Variants in CLIP4 observed in about 807,000 individuals in gnomAD.
CLIP4 encodes the protein CAP-Gly domain-containing linker protein 4.
CLIP4 carries 47 observed loss-of-function variants against 73.1 expected under a neutral mutation model. The observed-to-expected ratio is 0.64, with a 90% CI of 0.51 to 0.82. The LOEUF (loss-of-function observed/expected upper bound fraction) is 0.82, where lower values mean the gene tolerates loss of function less well. Ranked by LOEUF, CLIP4 falls within the 40% of genes least tolerant of loss-of-function variation. The pLI, the probability that CLIP4 is intolerant of heterozygous loss-of-function variation, is 0.00. For synonymous variants in CLIP4, 306 were observed against 295.4 expected (o/e 1.04, Z -0.37); for missense variants, 874 against 852.9 (o/e 1.02, Z -0.31).
intron 8 of CLIP4, among the ~76,000 whole-genome samples, chr2:29,150,966 T>G (rs1416806127): frequency 6.6e-6 from 1 of 152,206 alleles, no homozygotes; most frequent in Admixed American, 6.5e-5. Context: ...ATCTTTATTG[T>G]CTTATAATGT....
At chr2:29,112,061 G>A (rs1668398177), upstream of CLIP4, among the ~76,000 whole-genome samples, 2 of 152,096 alleles carry the variant, frequency 1.3e-5, no homozygotes. Flanking sequence ...CCACCTTTGT[G>A]TAAATGGAGG....
intron 15 of CLIP4, among the ~76,000 whole-genome samples, chr2:29,180,373 G>A (rs893575470): frequency 6.6e-6 from 1 of 152,150 alleles, no homozygotes; most frequent in Non-Finnish European, 1.5e-5. Context: ...GTGCACTGGG[G>A]AGTCCCATGC....
chr2:29,135,163 C>G (rs1052139187), intron 5 of CLIP4, among the ~76,000 whole-genome samples: 14 of 152,196 alleles, frequency 9.2e-5, no homozygotes, highest in African/African-American at 3.4e-4. Flanking sequence ...TCATAGGTTG[C>G]TGACCCCTGA....
chr2:29,143,063 G>A (rs1665883641), intron 6 of CLIP4, among the ~76,000 whole-genome samples: 1 of 152,242 alleles, frequency 6.6e-6, no homozygotes, highest in African/African-American at 2.4e-5. Flanking sequence ...TGAAATCTGA[G>A]TTACCCCATG....
intron 13 of CLIP4, among the ~76,000 whole-genome samples, chr2:29,165,262 C>CTT (rs70958247): frequency 0.011 from 1,614 of 148,936 alleles, 6 homozygotes; most frequent in African/African-American, 0.015. Flanking sequence ...TTCTTTCTTT[C>CTT]TTTTTTTTTT....
chr2:29,176,846 C>G (rs559265988), intron 15 of CLIP4, among the ~76,000 whole-genome samples: 5 of 152,312 alleles, frequency 3.3e-5, no homozygotes, highest in African/African-American at 1.2e-4. Flanking sequence ...ATGGTTTGGT[C>G]AGCCCAAATT....
chr2:29,128,928 A>G (rs560029639), intron 2 of CLIP4, among the ~76,000 whole-genome samples: 2 of 152,328 alleles, frequency 1.3e-5, no homozygotes, highest in East Asian at 3.9e-4. Context: ...AGCACAGGAC[A>G]TGTTTACTAA....
intron 2 of CLIP4, among the ~76,000 whole-genome samples, chr2:29,124,522 A>T (rs1664467267): frequency 6.6e-6 from 1 of 152,112 alleles, no homozygotes; most frequent in Non-Finnish European, 1.5e-5. Flanking sequence ...GAAATCATTT[A>T]AAAAAATTTT....
chr2:29,152,793 T>C lies in CLIP4; in HGVS notation c.1130T>C (p.Ile377Thr). Residue 377 changes from isoleucine (I) to threonine (T), a missense_variant, in exon 9 of 16, where the codon ATT (isoleucine) becomes ACT (threonine). Coordinates refer to ENST00000320081, the MANE Select transcript of CLIP4 (RefSeq NM_024692.6). Reference protein sequence around the residue: ...AAVPLIRSQKIDVAHVTSKVN... With the variant: ...AAVPLIRSQKTDVAHVTSKVN... ...GTACCTCTCATCAGGTCCCAGAAAA[T>C]TGACGTAGCTCATGTGACGTCAAAA... 4 of 1,613,744 alleles carry C rather than the reference T, an allele frequency of 2.5e-6. No individual in the cohort carries two copies. The highest frequency in any genetic ancestry group is 3.4e-6 in the Non-Finnish European group (4 of 1,179,796).
At chr2:29,120,747 G>A (rs1664196542) in intron 1 of CLIP4, among the ~76,000 whole-genome samples, 1 of 152,090 alleles carries the variant, frequency 6.6e-6, no homozygotes, top group African/African-American at 2.4e-5. Flanking sequence ...AAGCACTCAT[G>A]TTTTCTGGGA....
chr2:29,139,651 A>G (rs865881012), intron 6 of CLIP4, among the ~76,000 whole-genome samples: 1 of 152,078 alleles, frequency 6.6e-6, no homozygotes, highest in African/African-American at 2.4e-5. Flanking sequence ...TACTGATTCA[A>G]TTTTGTAACT....
At chr2:29,174,023 C>T (rs970801230) in intron 14 of CLIP4, among the ~76,000 whole-genome samples, 2 of 152,098 alleles carry the variant, frequency 1.3e-5, no homozygotes, top group Admixed American at 6.5e-5. Flanking sequence ...TTCACTTATT[C>T]ATCTATGTGT....
intron 14 of CLIP4, among the ~76,000 whole-genome samples, chr2:29,170,499 C>T (rs1667931603): frequency 6.6e-6 from 1 of 152,128 alleles, no homozygotes; most frequent in Non-Finnish European, 1.5e-5. Context: ...TTTTGAATAC[C>T]AAACATGTAT....
At chr2:29,108,147 TG>T (rs1668284839) in intron 1 of CLIP4, among the ~76,000 whole-genome samples, 2 of 152,244 alleles carry the variant, frequency 1.3e-5, no homozygotes, top group South Asian at 4.1e-4. Flanking sequence ...ATATGTACTA[TG>T]TATTTTCCTA....
chr2:29,152,216 G>A (rs1666619168), intron 8 of CLIP4, among the ~76,000 whole-genome samples: 1 of 152,186 alleles, frequency 6.6e-6, no homozygotes. Flanking sequence ...TTCCAAAGGA[G>A]TTGTAAGTTG....
intron 2 of CLIP4, among the ~76,000 whole-genome samples, chr2:29,127,682 A>C (rs993718553): frequency 1.5e-4 from 23 of 152,170 alleles, no homozygotes; most frequent in African/African-American, 5.6e-4. Flanking sequence ...ATTCTTACCC[A>C]GTCCAATGCT....
At chr2:29,122,299 G>A (rs1238046925) in intron 2 of CLIP4, among the ~76,000 whole-genome samples, 1 of 149,340 alleles carries the variant, frequency 6.7e-6, no homozygotes. Context: ...GTCGTCAGAA[G>A]TATTATATAA....
chr2:29,107,255 G>A (rs1225888663), intron 1 of CLIP4, among the ~76,000 whole-genome samples: 1 of 151,096 alleles, frequency 6.6e-6, no homozygotes, highest in Non-Finnish European at 1.5e-5. Flanking sequence ...AGACAACTCA[G>A]TGGTACTTTA....
chr2:29,136,577 T>C (rs528509515), intron 6 of CLIP4, among the ~76,000 whole-genome samples: 29 of 152,062 alleles, frequency 1.9e-4, no homozygotes, highest in Admixed American at 9.2e-4. Flanking sequence ...TTTACTGTAG[T>C]GTGCTAATTC....
Sources: gnomAD v4.1 joint callset for allele counts (sites outside exome capture counted in the v4.1 genomes callset) on GRCh38, gnomAD v4.1.1 for gene constraint, MANE v1.5 for transcripts, NCBI Gene and HGNC (gene_info 2026-07-23, HGNC 2026-07-21) for gene names.